JAM3: variants seen among roughly 807,000 people sequenced by gnomAD.
JAM3 encodes the protein junctional adhesion molecule 3, also known as junctional adhesion molecule C.
In JAM3, 31 loss-of-function variants were observed where a neutral mutation model predicts 39.4. The ratio of observed to expected loss-of-function variants is 0.79; its 90% CI spans 0.59 to 1.06. JAM3 has a LOEUF of 1.06. Among genes scored for constraint, JAM3 ranks in the 50% least tolerant of loss-of-function variants. The probability of loss-of-function intolerance (pLI) is 0.00; values close to 1 mark genes in which losing one functional copy is unlikely to be tolerated. For missense variants in JAM3, 455 were observed against 391.4 expected (o/e 1.16, Z -1.37); for synonymous variants, 182 against 148.7 (o/e 1.22, Z -1.63).
At chr11:134,135,450 G>A (rs890064727) in intron 1 of JAM3, among the ~76,000 whole-genome samples, 2 of 151,986 alleles carry the variant, frequency 1.3e-5, no homozygotes, top group African/African-American at 2.4e-5. Context: ...GCAATCAGAC[G>A]TTGAAATGTA....
chr11:134,130,041 G>A (rs1027257684), intron 1 of JAM3, among the ~76,000 whole-genome samples: 1 of 152,100 alleles, frequency 6.6e-6, no homozygotes, highest in Admixed American at 6.6e-5. Flanking sequence ...AACGGCCCCA[G>A]ATAGTTCATA....
At chr11:134,121,551 G>T (rs1269190409) in intron 1 of JAM3, among the ~76,000 whole-genome samples, 2 of 151,910 alleles carry the variant, frequency 1.3e-5, no homozygotes, top group African/African-American at 2.4e-5. Context: ...AAATCAGGCT[G>T]CACACCTTTC....
chr11:134,128,796 G>C (rs947794269), intron 1 of JAM3, among the ~76,000 whole-genome samples: 20 of 152,106 alleles, frequency 1.3e-4, no homozygotes, highest in Admixed American at 1.3e-3. Context: ...CCAGTCTCTG[G>C]TAGTTCTTTA....
At chr11:134,069,253 T>A in intron 1 of JAM3, 94 bp downstream of exon 1, 1 of 1,504,658 alleles carries the variant, frequency 6.6e-7, no homozygotes, top group African/African-American at 1.4e-5. Context: ...CGGGCGAGGA[T>A]AGCGGTCCTG....
chr11:134,117,960 T>C (rs1021618010), intron 1 of JAM3, among the ~76,000 whole-genome samples: 5 of 152,154 alleles, frequency 3.3e-5, no homozygotes, highest in African/African-American at 1.2e-4. Context: ...GGTGTAACTT[T>C]GAATTATTTT....
intron 1 of JAM3, among the ~76,000 whole-genome samples, chr11:134,096,198 C>T (rs755132436): frequency 9.2e-5 from 14 of 152,116 alleles, no homozygotes; most frequent in Non-Finnish European, 1.5e-4. Context: ...TCTCTGGTCT[C>T]GAACTCCTGG....
At chr11:134,098,724 C>T (rs1942026045) in intron 1 of JAM3, among the ~76,000 whole-genome samples, 1 of 152,126 alleles carries the variant, frequency 6.6e-6, no homozygotes, top group African/African-American at 2.4e-5. Context: ...TTGAGGTATA[C>T]TGCACTTCCT....
intron 1 of JAM3, among the ~76,000 whole-genome samples, chr11:134,089,813 G>A (rs976613762): frequency 4.6e-5 from 7 of 152,048 alleles, no homozygotes; most frequent in African/African-American, 1.7e-4. Flanking sequence ...TAATCCTTTG[G>A]GTATATACCC....
At chr11:134,109,366 A>G (rs554474996) in intron 1 of JAM3, among the ~76,000 whole-genome samples, 6 of 152,256 alleles carry the variant, frequency 3.9e-5, no homozygotes, top group Non-Finnish European at 5.9e-5. Flanking sequence ...AGCTGTCTTC[A>G]TATCTTTATT....
intron 1 of JAM3, among the ~76,000 whole-genome samples, chr11:134,127,682 A>C (rs1353619681): frequency 6.6e-6 from 1 of 152,260 alleles, no homozygotes; most frequent in Non-Finnish European, 1.5e-5. Context: ...TCTGAGCGAC[A>C]GAGTGAGACT....
At chr11:134,083,743 C>T (rs1272751243) in intron 1 of JAM3, among the ~76,000 whole-genome samples, 5 of 152,182 alleles carry the variant, frequency 3.3e-5, no homozygotes, top group Non-Finnish European at 5.9e-5. Context: ...GATTTTAAGC[C>T]TCCATGATGG....
chr11:134,083,353 G>A (rs1429374103), intron 1 of JAM3, among the ~76,000 whole-genome samples: 1 of 152,146 alleles, frequency 6.6e-6, no homozygotes, highest in Non-Finnish European at 1.5e-5. Flanking sequence ...GGTGAGAGAA[G>A]GTTTTTATAA....
At chr11:134,080,733 A>C (rs117177496) in intron 1 of JAM3, among the ~76,000 whole-genome samples, 13,031 of 152,186 alleles carry the variant, frequency 0.086, 632 homozygotes, top group Admixed American at 0.11. Flanking sequence ...TAAAAGAGTA[A>C]ACTGGTACCA....
intron 1 of JAM3, among the ~76,000 whole-genome samples, chr11:134,109,563 CAATT>C (rs1163888646): frequency 5.3e-5 from 8 of 152,152 alleles, no homozygotes; most frequent in South Asian, 4.1e-4. Flanking sequence ...AGGTCTCAAT[CAATT>C]GAGAACTTTA....
At chr11:134,101,019 A>G (rs571300655) in intron 1 of JAM3, among the ~76,000 whole-genome samples, 111 of 152,328 alleles carry the variant, frequency 7.3e-4, no homozygotes, top group African/African-American at 2.5e-3. Context: ...GTGGTCAGCC[A>G]GGATACATGT....
chr11:134,090,745 T>C (rs973473983), intron 1 of JAM3, among the ~76,000 whole-genome samples: 3 of 152,112 alleles, frequency 2.0e-5, no homozygotes, highest in African/African-American at 7.2e-5. Context: ...TCCAAACTAC[T>C]AAAGTGTTGG....
Position 134,149,292 on chromosome 11 carries a change from C to T in JAM3, c.*111C>T, listed in dbSNP as rs1490898262. On this transcript the variant is annotated 3_prime_UTR_variant, in exon 9 of 9. Coordinates refer to ENST00000299106, the MANE Select transcript of JAM3 (RefSeq NM_032801.5). ...ACTCGGACAGAGCTAGACACTCATT[C>T]AGAAGCTTTTCGTTTTGGCCAAAGT... The T allele has an allele frequency of 7.4e-7, 1 of 1,346,062 alleles. No individual in the cohort carries two copies. The highest frequency in any genetic ancestry group is 1.9e-5 in the Admixed American group (1 of 53,100). The allele number at this position is 1,346,062 out of a possible 1,614,324, so 83.4% of individuals were successfully genotyped here. A position where few individuals can be genotyped will look rare whatever the true frequency, so the allele number is the denominator to read the frequency against.
At chr11:134,076,962 G>A (rs1441598465) in intron 1 of JAM3, among the ~76,000 whole-genome samples, 1 of 150,936 alleles carries the variant, frequency 6.6e-6, no homozygotes, top group Non-Finnish European at 1.5e-5. Flanking sequence ...AGCCTCCCAA[G>A]TAACTGGGAT....
At chr11:134,086,790 G>C (rs1941752155) in intron 1 of JAM3, among the ~76,000 whole-genome samples, 1 of 152,058 alleles carries the variant, frequency 6.6e-6, no homozygotes, top group Admixed American at 6.6e-5. Flanking sequence ...GTTTTAAAAA[G>C]TGTGTGAGTG....
Sources: allele counts gnomAD v4.1 joint callset (sites outside exome capture counted in the v4.1 genomes callset), GRCh38; gene constraint gnomAD v4.1.1; transcripts MANE v1.5; gene names NCBI Gene and HGNC (gene_info 2026-07-23, HGNC 2026-07-21).